The following AKAP10 variants were observed in gnomAD, a reference collection of about 807,000 sequenced individuals.
AKAP10 encodes A-kinase anchoring protein 10, also known as A-kinase anchor protein 10, mitochondrial.
Under a neutral mutation model 80.8 loss-of-function variants are expected in AKAP10, and 24 were observed. The observed-to-expected ratio is 0.30, with a 90% CI of 0.22 to 0.42. The LOEUF is 0.42. Among genes scored for constraint, AKAP10 ranks in the 10% least tolerant of loss-of-function variants. The pLI is 1.00. For synonymous variants in AKAP10, 291 were observed against 277.7 expected (o/e 1.05, Z -0.48); for missense variants, 661 against 794.9 (o/e 0.83, Z 2.03).
chr17:19,941,873 G>C lies in AKAP10; in HGVS notation c.1014C>G (p.Asn338Lys). The C allele has an allele frequency of 1.2e-6, 2 of 1,610,784 alleles. No homozygotes were observed. The highest frequency in any genetic ancestry group is 1.7e-6 in the Non-Finnish European group (2 of 1,178,542). ...ICGEDGQVDPNCFVLAQSIVF... is the reference protein window; with the variant it reads ...ICGEDGQVDPKCFVLAQSIVF... ...CTATGGACTGTGCCAAAACGAAACA[G>C]TTGGGATCCACCTGTCCATCTTCTC... is the stretch of plus-strand genomic sequence containing the variant. The change falls in exon 6 of 15, where the codon AAC becomes AAG. Residue 338 changes from asparagine to lysine, a missense_variant. Coordinates refer to ENST00000225737, the MANE Select transcript of AKAP10 (RefSeq NM_007202.4).
intron 5 of AKAP10, among the ~76,000 whole-genome samples, chr17:19,943,148 CAA>C (rs1255309962): frequency 2.0e-5 from 3 of 152,136 alleles, no homozygotes; most frequent in Non-Finnish European, 4.4e-5. Context: ...CTCAGCCTCC[CAA>C]AGTGCTGGGA....
At chr17:19,977,495 C>G in intron 1 of AKAP10, 97 bp downstream of exon 1, 1 of 969,170 alleles carries the variant, frequency 1.0e-6, no homozygotes, top group Non-Finnish European at 1.3e-6. Context: ...TCGCTGAAGG[C>G]CTTGCTGCCG....
chr17:19,931,469 CA>C (rs2042932281), intron 10 of AKAP10, among the ~76,000 whole-genome samples: 1 of 150,578 alleles, frequency 6.6e-6, no homozygotes, highest in African/African-American at 2.5e-5. Flanking sequence ...TGGTTCATTG[CA>C]ACCTCTGCCT....
chr17:19,977,579 C>G lies in AKAP10; in HGVS notation c.88+13G>C, dbSNP rs1483076479. Reference sequence around the variant, plus strand: ...GGCCCGGCCTGACTCCCCGCCGGCGCCCCCTCAGCTACCTTTCCGCCGGAA... The same window carrying G: ...GGCCCGGCCTGACTCCCCGCCGGCGGCCCCTCAGCTACCTTTCCGCCGGAA... On this transcript the variant is annotated intron_variant, in intron 1 of 14. Transcript: ENST00000225737. 1 of 1,233,316 alleles carries G rather than the reference C, an allele frequency of 8.1e-7. No individual in the cohort carries two copies. Among genetic ancestry groups the G allele is most frequent in the Non-Finnish European group, 1.0e-6 (1 of 987,732 alleles). 76.4% of individuals were successfully genotyped at this position (1,233,316 alleles called of 1,614,324 possible).
intron 9 of AKAP10, among the ~76,000 whole-genome samples, chr17:19,934,079 G>A (rs1056180723): frequency 8.6e-5 from 13 of 151,900 alleles, no homozygotes; most frequent in African/African-American, 1.2e-4. Context: ...GCACCACCAC[G>A]CCCGGCTAAT....
At chr17:19,929,587 T>A (rs969801053) in intron 10 of AKAP10, 14 of 152,108 alleles carry the variant, frequency 9.2e-5, no homozygotes, top group African/African-American at 3.4e-4. Context: ...TGTCTAAGGT[T>A]ATGATAAGTG....
At chr17:19,929,803 C>G (rs2042912907) in intron 10 of AKAP10, 1 of 151,790 alleles carries the variant, frequency 6.6e-6, no homozygotes, top group East Asian at 1.9e-4. Flanking sequence ...ATGGTGAAAC[C>G]CCTTCTCTAC....
At chr17:19,914,714 C>G (rs1387911653) in intron 12 of AKAP10, among the ~76,000 whole-genome samples, 1 of 150,708 alleles carries the variant, frequency 6.6e-6, no homozygotes, top group Non-Finnish European at 1.5e-5. Context: ...TTTAGATCAT[C>G]GGAGTTGGGA....
At chr17:19,933,298 C>T (rs551230385) in intron 9 of AKAP10, among the ~76,000 whole-genome samples, 59 of 152,300 alleles carry the variant, frequency 3.9e-4, no homozygotes, top group Non-Finnish European at 7.2e-4. Context: ...GGATTACAGG[C>T]GTGAGCCACC....
intron 4 of AKAP10, among the ~76,000 whole-genome samples, chr17:19,956,450 T>C (rs966665774): frequency 1.3e-5 from 2 of 152,152 alleles, no homozygotes; most frequent in Non-Finnish European, 2.9e-5. Context: ...CAGACAAATA[T>C]ACATTTAATA....
intron 1 of AKAP10, among the ~76,000 whole-genome samples, chr17:19,976,455 C>A (rs958930139): frequency 6.6e-6 from 1 of 151,472 alleles, no homozygotes; most frequent in Non-Finnish European, 1.5e-5. Flanking sequence ...CCATTGCACT[C>A]GAGCCTGGGC....
At chr17:19,919,286 T>C (rs774341804) in intron 12 of AKAP10, among the ~76,000 whole-genome samples, 12 of 152,312 alleles carry the variant, frequency 7.9e-5, no homozygotes, top group Non-Finnish European at 1.6e-4. Context: ...ATAGTATCCA[T>C]GGTGTATATG....
At chr17:19,969,428 T>C (rs770852013) in intron 1 of AKAP10, among the ~76,000 whole-genome samples, 1 of 152,170 alleles carries the variant, frequency 6.6e-6, no homozygotes, top group Non-Finnish European at 1.5e-5. Context: ...AAAATTCTGC[T>C]GTAGATAAGC....
In AKAP10 at chr17:19,977,766, C is replaced by T; in HGVS notation, c.-87G>A. 2 of 839,448 alleles carry T rather than the reference C, an allele frequency of 2.4e-6. No homozygotes were observed. The highest frequency in any genetic ancestry group is 3.2e-6 in the Non-Finnish European group (2 of 627,664). 52.0% of individuals were successfully genotyped at this position (839,448 alleles called of 1,614,324 possible). On this transcript the variant is annotated 5_prime_UTR_variant, in exon 1 of 15. Transcript: ENST00000225737. ...CTTCTTCCGGGAGTGGGCCCCACCG[C>T]CTCCTCGGGATGCCCAGGCAGCTCC...
chr17:19,962,926 G>A lies in AKAP10; in HGVS notation c.233C>T (p.Ala78Val). Residue 78 changes from alanine (A) to valine (V), a missense_variant, in exon 3 of 15, where the codon GCC (alanine) becomes GTC (valine). Physicochemically the swap from Ala to Val is moderately conservative, Grantham distance 64. Coordinates refer to ENST00000225737, the MANE Select transcript of AKAP10 (RefSeq NM_007202.4). ...GCTACTTGAAAAGGAGTCCATGTTG[G>A]CAGAAATGGCATTGATTGCAACATG... Reference protein sequence around the residue: ...PSHVAINAISANMDSFSSSRT... With the variant: ...PSHVAINAISVNMDSFSSSRT... 1 of 1,614,014 alleles carries A rather than the reference G, an allele frequency of 6.2e-7. No homozygotes were observed. Among genetic ancestry groups the A allele is most frequent in the Non-Finnish European group, 8.5e-7 (1 of 1,179,926 alleles).
intron 5 of AKAP10, among the ~76,000 whole-genome samples, chr17:19,944,633 G>A (rs1445131337): frequency 2.0e-5 from 3 of 152,118 alleles, no homozygotes; most frequent in Admixed American, 6.6e-5. Flanking sequence ...CCAGCCTGGC[G>A]AGAGTGAGAC....
At chr17:19,923,337 C>A (rs1012775527) in intron 11 of AKAP10, among the ~76,000 whole-genome samples, 17 of 152,116 alleles carry the variant, frequency 1.1e-4, no homozygotes, top group African/African-American at 4.1e-4. Context: ...CTCGGCCTCC[C>A]AAAGTGGTGG....
At chr17:19,917,371 C>A (rs2042756647) in intron 12 of AKAP10, among the ~76,000 whole-genome samples, 1 of 152,186 alleles carries the variant, frequency 6.6e-6, no homozygotes, top group African/African-American at 2.4e-5. Context: ...TACCTAAAGA[C>A]ACTGTAGAGT....
At chr17:19,909,106 C>A in intron 14 of AKAP10, 75 bp downstream of exon 14, 2 of 1,287,350 alleles carry the variant, frequency 1.6e-6, no homozygotes. Flanking sequence ...GGCAAAGAAA[C>A]CCCTTATGTT....
Sources: gnomAD v4.1 joint callset for allele counts (sites outside exome capture counted in the v4.1 genomes callset) on GRCh38, gnomAD v4.1.1 for gene constraint, MANE v1.5 for transcripts, NCBI Gene and HGNC (gene_info 2026-07-23, HGNC 2026-07-21) for gene names.